Variants in ZNF33A observed in about 807,000 individuals in gnomAD.
ZNF33A encodes the protein zinc finger protein 33A.
Under a neutral mutation model 15.9 loss-of-function variants are expected in ZNF33A, and 9 were observed. The ratio of observed to expected loss-of-function variants is 0.57; its 90% CI spans 0.34 to 0.99. The LOEUF (loss-of-function observed/expected upper bound fraction) is 0.99. Among genes scored for constraint, ZNF33A ranks in the 50% least tolerant of loss-of-function variants. The pLI, the probability that ZNF33A is intolerant of heterozygous loss-of-function variation, is 0.02. For missense variants in ZNF33A, 843 were observed against 941.6 expected, an observed-to-expected ratio of 0.90 and a Z score of 1.37; for synonymous variants, 294 against 324.2, an observed-to-expected ratio of 0.91 and a Z score of 1.00.
chr10:38,011,306 C>T (rs1564827030), intron 1 of ZNF33A, among the ~76,000 whole-genome samples: 3 of 152,180 alleles, frequency 2.0e-5, no homozygotes, highest in Non-Finnish European at 4.4e-5. Context: ...TAATTTTGGC[C>T]TGGCGCGGTG....
At position 38,057,311 on chromosome 10, in the gene ZNF33A, T is replaced by G; in HGVS notation, c.*751T>G. The G allele has an allele frequency of 1.0e-6, 1 of 985,354 alleles. No individual in the cohort carries two copies. Among genetic ancestry groups the G allele is most frequent in the Non-Finnish European group, 1.2e-6 (1 of 829,868 alleles). 61.0% of individuals were successfully genotyped at this position (985,354 alleles called of 1,614,324 possible). Reference sequence around the variant, plus strand: ...TAACCACACGCTTTCTGCAACCCTATCCCTTGCATCCACTTGACTATGAAG... The same window carrying G: ...TAACCACACGCTTTCTGCAACCCTAGCCCTTGCATCCACTTGACTATGAAG... On this transcript the variant is annotated 3_prime_UTR_variant, in exon 5 of 5. Transcript: ENST00000432900.
In ZNF33A at chr10:38,053,883, C is replaced by T. The variant is rs186757480; in HGVS notation, c.251-492C>T. ...TGTCTCCTCTATTCCATGTAATCAC[C>T]ACAGTCTCTGGCTGACTCTCTTTGT... is the stretch of plus-strand genomic sequence containing the variant. On this transcript the variant is annotated intron_variant, in intron 4 of 4. Transcript: ENST00000432900. Among the ~76,000 whole-genome samples the T allele has an allele frequency of 6.1e-4, 93 of 152,250 alleles. No homozygotes were observed. In the Middle Eastern group the frequency reaches 0.01, roughly 17 times the overall value.
Position 38,055,412 on chromosome 10 carries a change from A to G in ZNF33A, c.1288A>G (p.Lys430Glu). Residue 430 changes from lysine to glutamate, a missense_variant, in exon 5 of 5, where the codon AAA becomes GAA. Lys to Glu is a moderately conservative substitution (Grantham distance 56). Coordinates refer to ENST00000432900, the MANE Select transcript of ZNF33A (RefSeq NM_006954.2). The stretch of plus-strand genomic sequence containing the variant: ...TTTTTGCCAGAAATCTGACCTCACT[A>G]AACATCAGAGAACACACACAGGGCT... ...KTFCQKSDLT[K>E]HQRTHTGLKP... 1 of 1,613,962 alleles carries G rather than the reference A, an allele frequency of 6.2e-7. No homozygotes were observed.
At position 38,055,015 on chromosome 10, in the gene ZNF33A, T is replaced by A. The variant is rs1436710239; in HGVS notation, c.891T>A (p.Ser297=). ...CCCTTTCTAAACCTCATGGGGTATC[T>A]ATGAAACACTATGATTGTGGTGAAA... is the stretch of plus-strand genomic sequence containing the variant. The part of the protein sequence containing the change: ...KSTLSKPHGV[S]MKHYDCGESG... Residue 297 remains serine (S), a synonymous_variant, in exon 5 of 5, where the codon TCT becomes TCA. Coordinates refer to ENST00000432900, the MANE Select transcript of ZNF33A (RefSeq NM_006954.2). The A allele has an allele frequency of 2.5e-6, 4 of 1,613,990 alleles. No homozygotes were observed. The African/African-American group carries it at 5.3e-5, about 22-fold the overall frequency.
In ZNF33A at chr10:38,058,183, G is replaced by A. The variant is rs151011286; in HGVS notation, c.*1623G>A. On this transcript the variant is annotated 3_prime_UTR_variant, in exon 5 of 5. Coordinates refer to ENST00000432900, the MANE Select transcript of ZNF33A (RefSeq NM_006954.2). ...TCATTGAAATTGAAAAGAGAAAATCGATAAAACCCAAAACTGGTTCCTTGA... is the reference window on the plus strand; with the variant it reads ...TCATTGAAATTGAAAAGAGAAAATCAATAAAACCCAAAACTGGTTCCTTGA... The A allele has an allele frequency of 2.8e-4, 151 of 547,738 alleles. No individual in the cohort carries two copies. Among genetic ancestry groups the A allele is most frequent in the Admixed American group, 7.6e-4 (12 of 15,744 alleles). The allele number at this position is 547,738 out of a possible 1,614,324, so 33.9% of individuals were successfully genotyped here.
intron 2 of ZNF33A, among the ~76,000 whole-genome samples, chr10:38,013,144 C>T (rs1022720287): frequency 6.6e-6 from 1 of 151,928 alleles, no homozygotes; most frequent in Non-Finnish European, 1.5e-5. Flanking sequence ...CGGAATCTTG[C>T]TCTCTTGCCA....
intron 4 of ZNF33A, among the ~76,000 whole-genome samples, chr10:38,045,762 A>G (rs1463863505): frequency 1.3e-5 from 2 of 152,144 alleles, no homozygotes; most frequent in Non-Finnish European, 2.9e-5. Context: ...ATTGGTTATC[A>G]TTGAATTTCC....
intron 4 of ZNF33A, among the ~76,000 whole-genome samples, chr10:38,019,157 C>T (rs964031513): frequency 1.3e-5 from 2 of 151,458 alleles, no homozygotes; most frequent in African/African-American, 4.9e-5. Flanking sequence ...CGTAACAGTC[C>T]CCAGTGTGTG....
chr10:38,022,539 C>T (rs1345952155), intron 4 of ZNF33A, among the ~76,000 whole-genome samples: 4 of 151,776 alleles, frequency 2.6e-5, no homozygotes, highest in Non-Finnish European at 5.9e-5. Flanking sequence ...CGCCTGTAGT[C>T]CCAGCTACTC....
intron 4 of ZNF33A, among the ~76,000 whole-genome samples, chr10:38,045,298 T>G (rs2065899340): frequency 6.6e-6 from 1 of 152,186 alleles, no homozygotes; most frequent in Non-Finnish European, 1.5e-5. Context: ...ACACTATCTT[T>G]GGGATGGCAG....
At chr10:38,037,161 A>T (rs2065488495) in intron 4 of ZNF33A, among the ~76,000 whole-genome samples, 1 of 152,130 alleles carries the variant, frequency 6.6e-6, no homozygotes, top group African/African-American at 2.4e-5. Context: ...TCCCCAGGGC[A>T]TGAAGATCCA....
upstream of ZNF33A, chr10:38,010,633 C>A (rs373809610): frequency 1.9e-5 from 27 of 1,392,064 alleles, no homozygotes; most frequent in Non-Finnish European, 2.3e-5. Context: ...TCAAGCTGTG[C>A]GCGTGGGCTC....
chr10:38,022,731 CTCAG>C (rs1002997611), intron 4 of ZNF33A, among the ~76,000 whole-genome samples: 11 of 149,166 alleles, frequency 7.4e-5, no homozygotes, highest in Admixed American at 6.7e-4. Context: ...ACTATTACAA[CTCAG>C]TCAGGGTGAT....
chr10:38,046,340 C>T (rs1275601425), intron 4 of ZNF33A, among the ~76,000 whole-genome samples: 1 of 152,056 alleles, frequency 6.6e-6, no homozygotes, highest in Non-Finnish European at 1.5e-5. Flanking sequence ...TCACATAGGG[C>T]CTGGAAAAGG....
chr10:38,060,720 T>C (rs2066645941), downstream of ZNF33A, among the ~76,000 whole-genome samples: 5 of 152,170 alleles, frequency 3.3e-5, no homozygotes, highest in South Asian at 1.0e-3. Context: ...GAAGCCAGGG[T>C]CATCCAGTCC....
At chr10:38,033,339 A>T (rs1411037920) in intron 4 of ZNF33A, among the ~76,000 whole-genome samples, 1 of 152,214 alleles carries the variant, frequency 6.6e-6, no homozygotes, top group East Asian at 1.9e-4. Flanking sequence ...ACTACATTTT[A>T]TGTATCCATT....
intron 4 of ZNF33A, among the ~76,000 whole-genome samples, chr10:38,022,766 A>T (rs1236256456): frequency 6.6e-6 from 1 of 152,028 alleles, no homozygotes; most frequent in Non-Finnish European, 1.5e-5. Flanking sequence ...TGAATGACCC[A>T]TAGGTTTTCA....
intron 4 of ZNF33A, among the ~76,000 whole-genome samples, chr10:38,036,027 G>A (rs2065437961): frequency 6.6e-6 from 1 of 152,076 alleles, no homozygotes; most frequent in South Asian, 2.1e-4. Flanking sequence ...ACCTTGCAAA[G>A]AAGAAAAACC....
intron 1 of ZNF33A, among the ~76,000 whole-genome samples, chr10:38,011,633 ATTTT>A (rs140578085): frequency 6.6e-6 from 1 of 152,006 alleles, no homozygotes; most frequent in African/African-American, 2.4e-5. Context: ...GAAGAAAAAG[ATTTT>A]TTTTGTTTTT....
Sources: allele counts gnomAD v4.1 joint callset (sites outside exome capture counted in the v4.1 genomes callset), GRCh38; gene constraint gnomAD v4.1.1; transcripts MANE v1.5; gene names NCBI Gene and HGNC (gene_info 2026-07-23, HGNC 2026-07-21).